JAKMIP1: variants seen among roughly 807,000 people sequenced by gnomAD.
JAKMIP1 encodes janus kinase and microtubule interacting protein 1, also known as janus kinase and microtubule-interacting protein 1.
A neutral mutation model predicts 113.0 loss-of-function variants in JAKMIP1; 33 were observed. The observed-to-expected ratio is 0.29, with a 90% CI of 0.22 to 0.39. The LOEUF is 0.39. Among genes scored for constraint, JAKMIP1 ranks in the 10% least tolerant of loss-of-function variants. The pLI is 1.00. For missense variants in JAKMIP1, 813 were observed against 1,080.5 expected (o/e 0.75, Z 3.47); for synonymous variants, 480 against 459.9 (o/e 1.04, Z -0.56).
chr4:6,029,385 G>T (rs1169028386), intron 20 of JAKMIP1, among the ~76,000 whole-genome samples: 1 of 152,204 alleles, frequency 6.6e-6, no homozygotes, highest in Non-Finnish European at 1.5e-5. Context: ...TGGTTAGGGG[G>T]ATGCCACTGA....
rs543004062 is a variant in JAKMIP1 at position 6,151,619 on chromosome 4, G to T, written c.-147-38622C>A. Among the ~76,000 whole-genome samples the T allele has an allele frequency of 3.3e-5, 5 of 152,236 alleles. No homozygotes were observed. The East Asian group carries it at 9.6e-4, about 29-fold the overall frequency. ...TCACAGCACTGTGACCTTCACAGCC[G>T]CATTTAAGCTCAGAGTCCTCCAGTC... is the stretch of plus-strand genomic sequence containing the variant. On this transcript the variant is annotated intron_variant, in intron 1 of 20. Transcript: ENST00000409021.
At chr4:6,060,023 G>T (rs1476046751) in intron 11 of JAKMIP1, among the ~76,000 whole-genome samples, 1 of 152,198 alleles carries the variant, frequency 6.6e-6, no homozygotes, top group Non-Finnish European at 1.5e-5. Context: ...GAGGCCAGAG[G>T]TGGGGCCTCT....
chr4:6,030,296 C>A (rs1712448393), intron 19 of JAKMIP1, among the ~76,000 whole-genome samples: 1 of 152,022 alleles, frequency 6.6e-6, no homozygotes, highest in African/African-American at 2.4e-5. Flanking sequence ...AGCCACTGCA[C>A]CAGCATCCGC....
At chr4:6,066,390 C>T (rs529241765) in intron 8 of JAKMIP1, among the ~76,000 whole-genome samples, 45 of 152,272 alleles carry the variant, frequency 3.0e-4, no homozygotes, top group African/African-American at 9.9e-4. Context: ...TCACCCAGAA[C>T]GTTCTTGCAT....
rs1320218821 is a variant in JAKMIP1, at chr4:6,135,295, A to G, written c.-147-22298T>C. 6.6e-6 allele frequency among the ~76,000 whole-genome samples: 1 copy of G among 152,170 alleles called. No individual in the cohort carries two copies. Among genetic ancestry groups the G allele is most frequent in the Non-Finnish European group, 1.5e-5 (1 of 68,030 alleles). On this transcript the variant is annotated intron_variant, in intron 1 of 20. Transcript: ENST00000409021. This position sits in a 1 kb window ranked among gnomAD's most constrained non-coding sequence, Gnocchi z 4.9. ...CCAAGATGACGGATGTCCTAACAAT[A>G]CGAGGAAAATAGGACACAGACACAT...
Position 6,136,139 on chromosome 4 carries a change from G to A in JAKMIP1, c.-147-23142C>T, listed in dbSNP as rs1263904653. 6.6e-6 allele frequency among the ~76,000 whole-genome samples: 1 copy of A among 152,050 alleles called. No homozygotes were observed. Among genetic ancestry groups the A allele is most frequent in the East Asian group, 1.9e-4 (1 of 5,172 alleles). On this transcript the variant is annotated intron_variant, in intron 1 of 20. Coordinates refer to ENST00000409021, the MANE Select transcript of JAKMIP1 (RefSeq NM_001099433.2). The surrounding 1 kb of genome is among the most constrained non-coding windows in gnomAD (Gnocchi z 5.9). ...TGGGTTCCTGTATTCCCAGCTGCTG[G>A]GGAGGCTGAGGCAGGAGAATCACTT...
At position 6,064,966 on chromosome 4, in the gene JAKMIP1, C is replaced by T. The variant is rs1717852162; in HGVS notation, c.1345G>A (p.Val449Met). 6.2e-7 allele frequency: 1 copy of T among 1,614,136 alleles called. No individual in the cohort carries two copies. ...ETFFGFDEES[V>M]DSETLSETSY... ...GTTTCGGACAACGTTTCTGAGTCCACAGACTCCTCATCAAATCCAAAAAAT... is the reference window on the plus strand; with the variant it reads ...GTTTCGGACAACGTTTCTGAGTCCATAGACTCCTCATCAAATCCAAAAAAT... The change falls in exon 9 of 21, where the codon GTG (valine) becomes ATG (methionine). Residue 449 changes from valine (V) to methionine (M), a missense_variant. Val to Met is a conservative substitution (Grantham distance 21). Coordinates refer to ENST00000409021, the MANE Select transcript of JAKMIP1 (RefSeq NM_001099433.2). The surrounding 1 kb of genome is among the most constrained non-coding windows in gnomAD (Gnocchi z 4.3).
rs1578399058 is a variant in JAKMIP1 at position 6,153,023 on chromosome 4, C to T, written c.-147-40026G>A. Reference sequence around the variant, plus strand: ...CTTAGCCCCAATTCTAGGAAACCCACATCACCTTCCTGTTAACCTGAGCTC... The same window carrying T: ...CTTAGCCCCAATTCTAGGAAACCCATATCACCTTCCTGTTAACCTGAGCTC... On this transcript the variant is annotated intron_variant, in intron 1 of 20. Coordinates refer to ENST00000409021, the MANE Select transcript of JAKMIP1 (RefSeq NM_001099433.2). The surrounding 1 kb of genome is among the most constrained non-coding windows in gnomAD (Gnocchi z 4.9). Among the ~76,000 whole-genome samples the T allele has an allele frequency of 6.6e-6, 1 of 152,014 alleles. No homozygotes were observed. Among genetic ancestry groups the T allele is most frequent in the Non-Finnish European group, 1.5e-5 (1 of 68,010 alleles).
At chr4:6,028,327 A>G (rs73071560) in intron 20 of JAKMIP1, among the ~76,000 whole-genome samples, 9,974 of 152,278 alleles carry the variant, frequency 0.065, 474 homozygotes, top group African/African-American at 0.14. Context: ...TTCCCATGAG[A>G]GCAACAAGGG....
At chr4:6,057,261 T>C (rs961285480) in intron 11 of JAKMIP1, among the ~76,000 whole-genome samples, 4 of 152,218 alleles carry the variant, frequency 2.6e-5, no homozygotes, top group Non-Finnish European at 1.5e-5. Context: ...ACAGTGCCTG[T>C]CACATGGGGA....
At position 6,036,084 on chromosome 4, in the gene JAKMIP1, T is replaced by C; in HGVS notation, c.2199A>G (p.Thr733=). ...AYLKIQDLEA[T]LYTALQQEPG... ...GCTCCTGCTGCAGCGCTGTGTACAG[T>C]GTGGCCTCCAGGTCTTGGATTTTCT... is the stretch of plus-strand genomic sequence containing the variant. Residue 733 remains threonine (T), a synonymous_variant, in exon 19 of 21, where the codon ACA becomes ACG. Transcript: ENST00000409021. 1 of 1,555,618 alleles carries C rather than the reference T, an allele frequency of 6.4e-7. No homozygotes were observed. Among genetic ancestry groups the C allele is most frequent in the East Asian group, 2.4e-5 (1 of 41,614 alleles).
chr4:6,029,930 A>T, intron 19 of JAKMIP1, 149 bp from the exon 20 acceptor site: 1 of 641,404 alleles, frequency 1.6e-6, no homozygotes, highest in South Asian at 1.9e-5. Flanking sequence ...GCACAAGCCC[A>T]TGTCACCACC....
Position 6,182,333 on chromosome 4 carries a change from C to T in JAKMIP1, c.-148+17920G>A, listed in dbSNP as rs146489998. 6.0e-3 allele frequency among the ~76,000 whole-genome samples: 892 copies of T among 148,084 alleles called. 8 individuals are homozygous for T. The highest frequency in any genetic ancestry group is 0.021 in the African/African-American group (833 of 40,260). ...CTGAGGTGGGAGGATCACTTGAGCCCGGGAGCTCAAAGCTGCAATGAACAG... is the reference window on the plus strand; with the variant it reads ...CTGAGGTGGGAGGATCACTTGAGCCTGGGAGCTCAAAGCTGCAATGAACAG... On this transcript the variant is annotated intron_variant, in intron 1 of 20. Transcript: ENST00000409021.
At chr4:6,053,214 C>T (rs1715899661) in intron 13 of JAKMIP1, among the ~76,000 whole-genome samples, 1 of 152,168 alleles carries the variant, frequency 6.6e-6, no homozygotes, top group Non-Finnish European at 1.5e-5. Context: ...AATACAGTAA[C>T]ACACCCGAGG....
intron 13 of JAKMIP1, among the ~76,000 whole-genome samples, chr4:6,052,893 C>T (rs1007686163): frequency 6.6e-6 from 1 of 152,178 alleles, no homozygotes; most frequent in African/African-American, 2.4e-5. Context: ...AGAGCTGAGT[C>T]ACTCTTGGTG....
intron 1 of JAKMIP1, among the ~76,000 whole-genome samples, chr4:6,146,789 G>C (rs923020135): frequency 1.3e-5 from 2 of 152,162 alleles, no homozygotes; most frequent in Non-Finnish European, 1.5e-5. Flanking sequence ...TGATTCCAGT[G>C]GTGGAACAGG....
chr4:6,036,446 G>A (rs1713450462), intron 18 of JAKMIP1, among the ~76,000 whole-genome samples: 1 of 152,192 alleles, frequency 6.6e-6, no homozygotes, highest in Non-Finnish European at 1.5e-5. Flanking sequence ...TCCATCCTTG[G>A]TTTCCAATTG....
In JAKMIP1 at chr4:6,098,562, GAAAGAA is replaced by G. The variant is rs1378121282; in HGVS notation, c.624+6905_624+6910del. Among the ~76,000 whole-genome samples, 13 of 18,190 alleles carry G rather than the reference GAAAGAA, an allele frequency of 7.1e-4. 1 individual carries two copies. Among genetic ancestry groups the G allele is most frequent in the African/African-American group, 1.4e-3 (12 of 8,838 alleles). The allele number at this position is 18,190 out of a possible 152,430, so 11.9% of individuals were successfully genotyped here. On this transcript the variant is annotated intron_variant, in intron 3 of 20. Coordinates refer to ENST00000409021, the MANE Select transcript of JAKMIP1 (RefSeq NM_001099433.2). ...AGAGAAAGAAAAAGAAAGAAAGAAA[GAAAGAA>G]AGAAAGAAAGAAAGAAGGAAAGGAA...
rs1176964541 is a variant in JAKMIP1, at chr4:6,136,162, C to G, written c.-147-23165G>C. Among the ~76,000 whole-genome samples the G allele has an allele frequency of 6.6e-6, 1 of 152,070 alleles. No homozygotes were observed. The highest frequency in any genetic ancestry group is 1.5e-5 in the Non-Finnish European group (1 of 68,010). On this transcript the variant is annotated intron_variant, in intron 1 of 20. Transcript: ENST00000409021. The surrounding 1 kb of genome is among the most constrained non-coding windows in gnomAD (Gnocchi z 5.9). ...TGGGGAGGCTGAGGCAGGAGAATCACTTGAACCCAGGAAATGGAGGTTGCA... is the reference window on the plus strand; with the variant it reads ...TGGGGAGGCTGAGGCAGGAGAATCAGTTGAACCCAGGAAATGGAGGTTGCA...
Sources: gnomAD v4.1 joint callset for allele counts (sites outside exome capture counted in the v4.1 genomes callset) on GRCh38, gnomAD v4.1.1 for gene constraint, Gnocchi (gnomAD v3.1) non-coding constraint, MANE v1.5 for transcripts, NCBI Gene and HGNC (gene_info 2026-07-23, HGNC 2026-07-21) for gene names.